NETO1: variants seen among roughly 807,000 people sequenced by gnomAD.
NETO1 encodes the protein neuropilin and tolloid-like protein 1.
Under a neutral mutation model 61.3 loss-of-function variants are expected in NETO1, and 26 were observed. The observed-to-expected ratio is 0.42, with a 90% CI of 0.31 to 0.59. The LOEUF is 0.59. Among genes scored for constraint, NETO1 ranks in the 20% least tolerant of loss-of-function variants. NETO1 has a pLI of 0.12. For missense variants in NETO1, 531 were observed against 662.8 expected (o/e 0.80, Z 2.18); for synonymous variants, 225 against 225.8 (o/e 1.00, Z 0.03).
intron 4 of NETO1, among the ~76,000 whole-genome samples, chr18:72,798,303 A>G (rs903721728): frequency 3.3e-5 from 5 of 152,172 alleles, no homozygotes; most frequent in Admixed American, 3.3e-4. Flanking sequence ...TCTAGGGTGC[A>G]CGCTCCTTAT....
intron 4 of NETO1, among the ~76,000 whole-genome samples, chr18:72,842,119 T>G (rs73966687): frequency 0.021 from 3,252 of 152,276 alleles, 98 homozygotes; most frequent in East Asian, 0.094. Context: ...ATTTCAAAAT[T>G]AATTGTTTTA....
chr18:72,855,308 G>A (rs1408182921), intron 4 of NETO1, among the ~76,000 whole-genome samples: 3 of 152,150 alleles, frequency 2.0e-5, no homozygotes, highest in African/African-American at 7.2e-5. Flanking sequence ...ATCCTTTGAA[G>A]ACCCAGGATT....
At chr18:72,762,364 T>G (rs1203025910) in intron 7 of NETO1, among the ~76,000 whole-genome samples, 1 of 152,134 alleles carries the variant, frequency 6.6e-6, no homozygotes, top group Non-Finnish European at 1.5e-5. Context: ...AAAACTCACA[T>G]ACCAATGCAC....
At chr18:72,813,718 C>T (rs1201902904) in intron 4 of NETO1, among the ~76,000 whole-genome samples, 4 of 151,878 alleles carry the variant, frequency 2.6e-5, no homozygotes, top group Non-Finnish European at 4.4e-5. Context: ...CAAAGATACC[C>T]GAAGAAATTT....
intron 6 of NETO1, among the ~76,000 whole-genome samples, chr18:72,789,215 C>CAA (rs1157225442): frequency 6.1e-5 from 7 of 114,986 alleles, no homozygotes; most frequent in African/African-American, 1.9e-4. Context: ...CACAAGCACA[C>CAA]ACACACACAC....
At chr18:72,820,368 G>A (rs190377452) in intron 4 of NETO1, among the ~76,000 whole-genome samples, 1 of 152,306 alleles carries the variant, frequency 6.6e-6, no homozygotes, top group African/African-American at 2.4e-5. Flanking sequence ...CATTCAGACT[G>A]GAAAGCAAAA....
chr18:72,864,675 A>C, intron 3 of NETO1, 133 bp downstream of exon 3: 1 of 1,155,202 alleles, frequency 8.7e-7, no homozygotes. Flanking sequence ...TTATTGATTC[A>C]CTCAAGAGAT....
intron 6 of NETO1, among the ~76,000 whole-genome samples, chr18:72,789,961 T>C (rs1040600512): frequency 2.6e-5 from 4 of 152,210 alleles, no homozygotes; most frequent in Non-Finnish European, 5.9e-5. Flanking sequence ...GCTGGAAATC[T>C]GTGTTCATTA....
chr18:72,783,597 AG>A, intron 7 of NETO1, 80 bp downstream of exon 7: 2 of 1,191,598 alleles, frequency 1.7e-6, no homozygotes, highest in Non-Finnish European at 1.2e-6. Context: ...CACTGTGTGA[AG>A]AAAACACCAT....
chr18:72,777,619 T>C (rs2071599787), intron 7 of NETO1, among the ~76,000 whole-genome samples: 1 of 151,462 alleles, frequency 6.6e-6, no homozygotes, highest in East Asian at 2.0e-4. Context: ...GGCGGGTGCC[T>C]GTAGTCCCAG....
At chr18:72,859,154 T>TAAC in intron 3 of NETO1, 80 bp from the exon 4 acceptor site, 1 of 1,327,234 alleles carries the variant, frequency 7.5e-7, no homozygotes, top group Non-Finnish European at 1.0e-6. Flanking sequence ...TTTCAGATGT[T>TAAC]ATTTGTACAT....
intron 4 of NETO1, among the ~76,000 whole-genome samples, chr18:72,798,003 T>C (rs2072376030): frequency 6.6e-6 from 1 of 152,258 alleles, no homozygotes; most frequent in African/African-American, 2.4e-5. Context: ...CTCCCTCATG[T>C]TATTACAATT....
At chr18:72,867,222 C>G (rs769742895) in intron 1 of NETO1, 42 bp downstream of exon 1, 2 of 1,487,530 alleles carry the variant, frequency 1.3e-6, no homozygotes, top group South Asian at 1.3e-5. Flanking sequence ...GGCGGGAGGG[C>G]TGGCTCCGGG....
chr18:72,755,312 A>C (rs2070748740), intron 8 of NETO1, among the ~76,000 whole-genome samples: 1 of 152,134 alleles, frequency 6.6e-6, no homozygotes, highest in Non-Finnish European at 1.5e-5. Context: ...TTACTTCTTT[A>C]CTTCTATGCA....
intron 7 of NETO1, among the ~76,000 whole-genome samples, chr18:72,764,143 A>T (rs2071075044): frequency 6.6e-6 from 1 of 152,180 alleles, no homozygotes; most frequent in African/African-American, 2.4e-5. Flanking sequence ...GGGTGGCGAC[A>T]CAGAGCCAAA....
intron 7 of NETO1, among the ~76,000 whole-genome samples, chr18:72,779,942 T>A (rs1011004423): frequency 6.6e-6 from 1 of 152,178 alleles, no homozygotes; most frequent in Non-Finnish European, 1.5e-5. Context: ...ACGTTCTAGC[T>A]GTGTTCTCAC....
intron 4 of NETO1, among the ~76,000 whole-genome samples, chr18:72,848,094 A>G (rs2074143063): frequency 6.6e-6 from 1 of 152,150 alleles, no homozygotes; most frequent in African/African-American, 2.4e-5. Context: ...AAGGCTGCCT[A>G]TATTACACTA....
intron 4 of NETO1, among the ~76,000 whole-genome samples, chr18:72,805,626 T>C (rs1380153430): frequency 6.6e-6 from 1 of 152,160 alleles, no homozygotes; most frequent in African/African-American, 2.4e-5. Context: ...AATACAGTTG[T>C]AAATGGTAGG....
intron 3 of NETO1, 27 bp from the exon 4 acceptor site, chr18:72,859,101 G>A (rs1347893503): frequency 1.9e-6 from 3 of 1,554,636 alleles, no homozygotes; most frequent in Non-Finnish European, 1.7e-6. Context: ...TTGTGTCTAG[G>A]AGGTCATTTC....
Sources: gnomAD v4.1 joint callset for allele counts (sites outside exome capture counted in the v4.1 genomes callset) on GRCh38, gnomAD v4.1.1 for gene constraint, MANE v1.5 for transcripts, NCBI Gene and HGNC (gene_info 2026-07-23, HGNC 2026-07-21) for gene names.